Variants in KDM2B observed in about 807,000 individuals in gnomAD.
The protein encoded by KDM2B is lysine demethylase 2B.
Under a neutral mutation model 150.0 loss-of-function variants are expected in KDM2B, and 26 were observed. The observed-to-expected ratio is 0.17, with a 90% CI of 0.13 to 0.24. The LOEUF is 0.24. Ranked by LOEUF, KDM2B falls within the 10% of genes least tolerant of loss-of-function variation. The pLI, the probability that KDM2B is intolerant of heterozygous loss-of-function variation, is 1.00. For synonymous variants in KDM2B, 734 were observed against 729.5 expected (o/e 1.01, Z -0.10); for missense variants, 1,265 against 1,816.9 (o/e 0.70, Z 5.52).
intron 6 of KDM2B, among the ~76,000 whole-genome samples, chr12:121,538,263 C>T (rs782228766): frequency 3.9e-5 from 6 of 151,990 alleles, no homozygotes; most frequent in African/African-American, 7.2e-5. Context: ...GCTCTCCCCA[C>T]CCCCCTGAGC....
At chr12:121,495,179 T>C (rs1593945182) in intron 11 of KDM2B, among the ~76,000 whole-genome samples, 2 of 151,884 alleles carry the variant, frequency 1.3e-5, no homozygotes, top group Non-Finnish European at 2.9e-5. Context: ...TTTTTTTTTT[T>C]TAGACAAAGT....
intron 17 of KDM2B, 191 bp from the exon 18 acceptor site, chr12:121,443,221 TGGAAGTAGGAGTACA>T (rs1555289078): frequency 1.6e-6 from 1 of 623,286 alleles, no homozygotes. Context: ...AGGAAGAAGC[TGGAAGTAGGAGTACA>T]GTTGAACTGT....
chr12:121,542,770 A>G (rs1159113987), intron 6 of KDM2B, among the ~76,000 whole-genome samples: 1 of 152,108 alleles, frequency 6.6e-6, no homozygotes, highest in Non-Finnish European at 1.5e-5. Context: ...ATTCAGCCCA[A>G]TCCTTTTTCC....
chr12:121,511,470 G>C (rs1363109084), intron 10 of KDM2B, among the ~76,000 whole-genome samples: 2 of 151,978 alleles, frequency 1.3e-5, no homozygotes, highest in African/African-American at 4.8e-5. Flanking sequence ...ATTTTTAGTA[G>C]AGACGAGGTG....
intron 13 of KDM2B, among the ~76,000 whole-genome samples, chr12:121,446,868 T>C (rs1386972754): frequency 6.6e-6 from 1 of 152,198 alleles, no homozygotes; most frequent in East Asian, 1.9e-4. Flanking sequence ...TAAAATAATA[T>C]TATGTGCCAA....
chr12:121,420,236 G>A, the KDM2B span: 9 of 1,609,524 alleles, frequency 5.6e-6, no homozygotes, highest in African/African-American at 2.7e-5. Flanking sequence ...CGTTGTATAA[G>A]TGTAGGTACA....
intron 9 of KDM2B, among the ~76,000 whole-genome samples, chr12:121,519,214 T>C (rs1555305500): frequency 6.6e-6 from 1 of 152,194 alleles, no homozygotes; most frequent in African/African-American, 2.4e-5. Context: ...GACTGTTCAA[T>C]GTTCAGATAC....
At chr12:121,525,682 G>T (rs964283953) in intron 8 of KDM2B, among the ~76,000 whole-genome samples, 1 of 152,124 alleles carries the variant, frequency 6.6e-6, no homozygotes, top group Non-Finnish European at 1.5e-5. Context: ...AACCCATCCA[G>T]TCCCCTTCCC....
intron 10 of KDM2B, among the ~76,000 whole-genome samples, chr12:121,512,149 A>G (rs1307557191): frequency 6.6e-6 from 1 of 152,158 alleles, no homozygotes; most frequent in East Asian, 1.9e-4. Context: ...TACTGTGATC[A>G]TAGCGGCTCT....
chr12:121,417,540 G>GT, the KDM2B span: 1 of 1,613,096 alleles, frequency 6.2e-7, no homozygotes, highest in Non-Finnish European at 8.5e-7. This position sits in a 1 kb window ranked among gnomAD's most constrained non-coding sequence, Gnocchi z 5.0. Context: ...TTTTTGCTCC[G>GT]TTTGTTCAGT....
At chr12:121,420,452 A>G in the KDM2B span, 3 of 1,554,818 alleles carry the variant, frequency 1.9e-6, no homozygotes, top group South Asian at 3.5e-5. Flanking sequence ...AATGTAGGAC[A>G]GTATACTGAA....
At chr12:121,574,431 C>A in intron 4 of KDM2B, 116 bp downstream of exon 4, 1 of 928,814 alleles carries the variant, frequency 1.1e-6, no homozygotes. Context: ...CCTGCCTTCT[C>A]CCGTGGGGAC....
intron 6 of KDM2B, among the ~76,000 whole-genome samples, chr12:121,546,905 A>T (rs1216553245): frequency 6.6e-6 from 1 of 151,426 alleles, no homozygotes; most frequent in Non-Finnish European, 1.5e-5. Context: ...CATGTTGGCC[A>T]AGCTGGTGTC....
chr12:121,581,703 A>G (rs1296520294), upstream of KDM2B, among the ~76,000 whole-genome samples: 2 of 152,304 alleles, frequency 1.3e-5, no homozygotes, highest in East Asian at 1.9e-4. Context: ...GGAGCAGGTC[A>G]TTTTGCAGAT....
rs1282017620 is a variant in KDM2B, at chr12:121,474,385, G to A, written c.1734+20194C>T. ...AAAAAAATTAGCTGGGCGCGGTAGCGGGTGCCTGTAGTCCCAGCTACTCAG... is the reference window on the plus strand; with the variant it reads ...AAAAAAATTAGCTGGGCGCGGTAGCAGGTGCCTGTAGTCCCAGCTACTCAG... On this transcript the variant is annotated intron_variant, in intron 12 of 22. Coordinates refer to ENST00000377071, the MANE Select transcript of KDM2B (RefSeq NM_032590.5). Among the ~76,000 whole-genome samples, 4 of 152,002 alleles carry A rather than the reference G, an allele frequency of 2.6e-5. 1 individual carries two copies. The South Asian group carries it at 6.2e-4, about 24-fold the overall frequency.
chr12:121,430,167 GCAAAATGGA>G lies in KDM2B; in HGVS notation c.*112_*120del, dbSNP rs1872773457. 4 of 1,614,176 alleles carry G rather than the reference GCAAAATGGA, an allele frequency of 2.5e-6. No homozygotes were observed. Among genetic ancestry groups the G allele is most frequent in the Non-Finnish European group, 3.4e-6 (4 of 1,180,040 alleles). ...AACAGCTTCTCCCTTGGAAAGACTT[GCAAAATGGA>G]ATTGCGTTGTGGTCTGTTGTCCCAC... On this transcript the variant is annotated 3_prime_UTR_variant, in exon 23 of 23. Coordinates refer to ENST00000377071, the MANE Select transcript of KDM2B (RefSeq NM_032590.5). The surrounding 1 kb of genome is among the most constrained non-coding windows in gnomAD (Gnocchi z 4.4).
intron 6 of KDM2B, among the ~76,000 whole-genome samples, chr12:121,545,088 C>A (rs541871208): frequency 6.6e-5 from 10 of 152,234 alleles, no homozygotes; most frequent in African/African-American, 2.4e-4. Context: ...ATGAAAGCTC[C>A]ATGATTTCTA....
At chr12:121,532,305 T>C (rs1594066156) in intron 8 of KDM2B, among the ~76,000 whole-genome samples, 1 of 152,220 alleles carries the variant, frequency 6.6e-6, no homozygotes, top group East Asian at 1.9e-4. Context: ...CCAAAAGCCC[T>C]TAGTCCATCT....
At chr12:121,574,334 G>A (rs539053693) in intron 4 of KDM2B, 3 of 512,272 alleles carry the variant, frequency 5.9e-6, no homozygotes, top group Admixed American at 6.8e-5. Context: ...ATAAAACTGT[G>A]TACCGGCAAA....
Sources: allele counts gnomAD v4.1 joint callset (sites outside exome capture counted in the v4.1 genomes callset), GRCh38; gene constraint gnomAD v4.1.1; non-coding constraint Gnocchi (gnomAD v3.1); transcripts MANE v1.5; gene names NCBI Gene and HGNC (gene_info 2026-07-23, HGNC 2026-07-21).